Variants in ITGAX observed in about 807,000 individuals in gnomAD.
ITGAX encodes the protein integrin alpha-X.
In ITGAX, 99 loss-of-function variants were observed where a neutral mutation model predicts 140.2. The observed-to-expected ratio is 0.71, with a 90% CI of 0.60 to 0.83. ITGAX has a LOEUF of 0.83. Among genes scored for constraint, ITGAX ranks in the 40% least tolerant of loss-of-function variants. The probability of loss-of-function intolerance (pLI) is 0.00; values close to 1 mark genes in which losing one functional copy is unlikely to be tolerated. For missense variants in ITGAX, 1,444 were observed against 1,482.0 expected, an observed-to-expected ratio of 0.97 and a Z score of 0.42; for synonymous variants, 631 against 600.4, an observed-to-expected ratio of 1.05 and a Z score of -0.75.
chr16:31,360,774 C>G (rs2080815651), intron 8 of ITGAX: 2 of 506,984 alleles, frequency 3.9e-6, no homozygotes, highest in Admixed American at 3.8e-5. Context: ...CCTTGGTCTC[C>G]CAAAGCACAG....
intron 14 of ITGAX, among the ~76,000 whole-genome samples, chr16:31,369,166 A>G: frequency 6.6e-6 from 1 of 150,958 alleles, no homozygotes; most frequent in African/African-American, 2.4e-5. Flanking sequence ...GGGGCTCCTC[A>G]CTTCCCAGTA....
At position 31,363,325 on chromosome 16, in the gene ITGAX, A is replaced by T. The variant is rs763463391; in HGVS notation, c.1661A>T (p.Tyr554Phe). ...PGEEENRGAV[Y>F]LFHGVLGPSI... is the part of the protein sequence containing the mutation. ...GAGGAGGAGAACCGGGGTGCTGTCT[A>T]CCTGTTTCACGGAGTCTTGGGACCC... Residue 554 changes from tyrosine to phenylalanine, a missense_variant, in exon 14 of 30, where the codon TAC becomes TTC. Physicochemically the swap from Tyr to Phe is conservative, Grantham distance 22 (BLOSUM62 3). Transcript: ENST00000268296. 51 of 1,613,832 alleles carry T rather than the reference A, an allele frequency of 3.2e-5. No homozygotes were observed. Among genetic ancestry groups the T allele is most frequent in the Non-Finnish European group, 4.2e-5 (50 of 1,179,932 alleles).
chr16:31,355,344 AG>A (rs2080747471), intron 1 of ITGAX, 53 bp downstream of exon 1: 1 of 1,598,904 alleles, frequency 6.3e-7, no homozygotes, highest in Non-Finnish European at 8.6e-7. Flanking sequence ...CAAGGGAGCC[AG>A]GGCCCTGAAC....
At position 31,380,269 on chromosome 16, in the gene ITGAX, T is replaced by G; in HGVS notation, c.3064T>G (p.Cys1022Gly). ...AHIQKNPVLD[C>G]SIAGCLRFRC... ...CATGCTATTTATCTGCCCCCAGGAC[T>G]GCTCCATTGCTGGCTGCCTGCGGTT... Residue 1022 changes from cysteine (C) to glycine (G), a missense_variant, in exon 27 of 30, where the codon TGC (cysteine) becomes GGC (glycine). Coordinates refer to ENST00000268296, the MANE Select transcript of ITGAX (RefSeq NM_000887.5). 1 of 1,613,970 alleles carries G rather than the reference T, an allele frequency of 6.2e-7. No individual in the cohort carries two copies.
intron 14 of ITGAX, among the ~76,000 whole-genome samples, chr16:31,370,707 C>T (rs2080946737): frequency 6.6e-6 from 1 of 152,138 alleles, no homozygotes; most frequent in Admixed American, 6.5e-5. Context: ...AGGAATTCCT[C>T]TCCTGAGCAT....
chr16:31,366,428 G>T (rs578108758), intron 14 of ITGAX, among the ~76,000 whole-genome samples: 1 of 152,102 alleles, frequency 6.6e-6, no homozygotes, highest in South Asian at 2.1e-4. Context: ...CCTATTCCCT[G>T]CAATGCAATG....
Position 31,380,948 on chromosome 16 carries a change from G to A in ITGAX, c.3328G>A (p.Val1110Ile), listed in dbSNP as rs770053055. ...GGTCCACAACCCCACCCCCCTCATC[G>A]TAGGCAGCTCCATTGGGGGTCTGTT... is the stretch of plus-strand genomic sequence containing the variant. ...YKVHNPTPLI[V>I]GSSIGGLLLL... The change falls in exon 29 of 30, where the codon GTA becomes ATA. Residue 1110 changes from valine to isoleucine, a missense_variant. Val to Ile is a conservative substitution (Grantham distance 29, BLOSUM62 3). Coordinates refer to ENST00000268296, the MANE Select transcript of ITGAX (RefSeq NM_000887.5). The A allele has an allele frequency of 6.2e-6, 10 of 1,614,056 alleles. No homozygotes were observed. Among genetic ancestry groups the A allele is most frequent in the Admixed American group, 1.7e-5 (1 of 59,992 alleles).
At position 31,361,312 on chromosome 16, in the gene ITGAX, G is replaced by T. The variant is rs2080822587; in HGVS notation, c.1012+99G>T. The stretch of plus-strand genomic sequence containing the variant: ...CGTGAAACAGGTAGACAGCGTCTCG[G>T]TTCTCCTGCTTTCCCGGGACCCCGA... On this transcript the variant is annotated intron_variant, in intron 9 of 29. Transcript: ENST00000268296. The T allele has an allele frequency of 8.3e-6, 11 of 1,324,548 alleles. No homozygotes were observed. The East Asian group carries it at 2.6e-4, about 31-fold the overall frequency. The allele number at this position is 1,324,548 out of a possible 1,614,324, so 82.0% of individuals were successfully genotyped here.
chr16:31,357,946 C>A (rs1371669567), intron 5 of ITGAX: 1 of 170,146 alleles, frequency 5.9e-6, no homozygotes, highest in East Asian at 1.6e-4. Context: ...GCCTGACTTC[C>A]CTGGTGCTGA....
chr16:31,368,603 AT>A (rs566580108), intron 14 of ITGAX, among the ~76,000 whole-genome samples: 3 of 148,954 alleles, frequency 2.0e-5, no homozygotes, highest in South Asian at 4.3e-4. Context: ...TTTTTTATTT[AT>A]TTTTTTATTT....
intron 23 of ITGAX, among the ~76,000 whole-genome samples, chr16:31,378,750 T>C (rs2081041716): frequency 6.6e-6 from 1 of 151,472 alleles, no homozygotes; most frequent in South Asian, 2.1e-4. Context: ...GGATTGCAGG[T>C]GTGAGCCACT....
At position 31,377,057 on chromosome 16, in the gene ITGAX, C is replaced by A. The variant is rs565521371; in HGVS notation, c.2683C>A (p.Leu895Ile). 5.6e-5 allele frequency: 90 copies of A among 1,614,206 alleles called. No homozygotes were observed. The Middle Eastern group carries it at 6.6e-4, about 12-fold the overall frequency. ...CAAGGCTGTCCTGGGAGACCGGCTG[C>A]TTCTGACAGCCAATGTGAGCAGGTG... ...SPKAVLGDRL[L>I]LTANVSSENN... The change falls in exon 22 of 30, where the codon CTT becomes ATT. Residue 895 changes from leucine (L) to isoleucine (I), a missense_variant. Leu to Ile is a conservative substitution (Grantham distance 5). Coordinates refer to ENST00000268296, the MANE Select transcript of ITGAX (RefSeq NM_000887.5).
chr16:31,359,955 A>T lies in ITGAX; in HGVS notation c.597A>T (p.Thr199=), dbSNP rs372254909. Residue 199 remains threonine, a synonymous_variant, in exon 7 of 30, where the codon ACA becomes ACT. Coordinates refer to ENST00000268296, the MANE Select transcript of ITGAX (RefSeq NM_000887.5). ...SLMQFSNKFQ[T]HFTFEEFRRS... is the part of the protein sequence containing the mutation. ...TGCAGTTCTCCAACAAATTCCAAACACACTTCACTTTCGAGGAATTCAGGC... is the reference window on the plus strand; with the variant it reads ...TGCAGTTCTCCAACAAATTCCAAACTCACTTCACTTTCGAGGAATTCAGGC... 6.2e-6 allele frequency: 10 copies of T among 1,614,004 alleles called. No individual in the cohort carries two copies. Among genetic ancestry groups the T allele is most frequent in the Non-Finnish European group, 8.5e-6 (10 of 1,180,034 alleles).
chr16:31,380,699 G>T (rs753970195), intron 28 of ITGAX, 75 bp downstream of exon 28: 1 of 1,576,774 alleles, frequency 6.3e-7, no homozygotes. Flanking sequence ...GCTGGGTGGG[G>T]GGTTTGCAAG....
Position 31,370,930 on chromosome 16 carries a change from A to G in ITGAX, c.1711-154A>G, listed in dbSNP as rs535210084. 7.3e-5 allele frequency among the ~76,000 whole-genome samples: 11 copies of G among 150,940 alleles called. No individual in the cohort carries two copies. The East Asian group carries it at 1.6e-3, about 21-fold the overall frequency. ...TCTTAGCAATCATCTCCCAACTCCT[A>G]CCTCCTCTTTTCAGGTTCTTCTTGG... On this transcript the variant is annotated intron_variant, in intron 14 of 29. Coordinates refer to ENST00000268296, the MANE Select transcript of ITGAX (RefSeq NM_000887.5).
At chr16:31,370,650 A>G in intron 14 of ITGAX, among the ~76,000 whole-genome samples, 1 of 152,160 alleles carries the variant, frequency 6.6e-6, no homozygotes, top group East Asian at 1.9e-4. Context: ...TCATTGTGAT[A>G]TATTATTGAC....
At chr16:31,364,321 G>A (rs560471763) in intron 14 of ITGAX, among the ~76,000 whole-genome samples, 3 of 151,522 alleles carry the variant, frequency 2.0e-5, no homozygotes, top group South Asian at 2.1e-4. Flanking sequence ...CCAATTACTC[G>A]GGAGGCTGAG....
intron 27 of ITGAX, 70 bp from the exon 28 acceptor site, chr16:31,380,453 C>T (rs1358492314): frequency 3.1e-6 from 5 of 1,609,772 alleles, no homozygotes. Flanking sequence ...CATCTGCAAG[C>T]CAGGGCACCC....
At chr16:31,373,605 G>A (rs972257620) in intron 20 of ITGAX, among the ~76,000 whole-genome samples, 1 of 152,186 alleles carries the variant, frequency 6.6e-6, no homozygotes, top group Non-Finnish European at 1.5e-5. Context: ...AGGGGAACCT[G>A]CCCAAATTTC....
Sources: allele counts gnomAD v4.1 joint callset (sites outside exome capture counted in the v4.1 genomes callset), GRCh38; gene constraint gnomAD v4.1.1; transcripts MANE v1.5; gene names NCBI Gene and HGNC (gene_info 2026-07-23, HGNC 2026-07-21).